LHX6: variants seen among roughly 807,000 people sequenced by gnomAD.
LHX6 encodes the protein LIM/homeobox protein Lhx6.
A neutral mutation model predicts 47.1 loss-of-function variants in LHX6; 15 were observed. That is an observed-to-expected ratio of 0.32 (90% CI 0.21 to 0.49). The LOEUF is 0.49. Ranked by LOEUF, LHX6 falls within the 20% of genes least tolerant of loss-of-function variation. LHX6 has a pLI of 0.99. For missense variants in LHX6, 404 were observed against 539.6 expected (o/e 0.75, Z 2.49); for synonymous variants, 242 against 233.5 (o/e 1.04, Z -0.33).
rs1830626522 is a variant in LHX6, at chr9:122,217,207, G to A, written c.543C>T (p.Tyr181=). 2 of 1,614,222 alleles carry A rather than the reference G, an allele frequency of 1.2e-6. No individual in the cohort carries two copies. Among genetic ancestry groups the A allele is most frequent in the East Asian group, 4.5e-5 (2 of 44,888 alleles). ...DWVRRARGNA[Y]HLACFACFSC... The stretch of plus-strand genomic sequence containing the variant: ...AGAAGCAGGCGAAGCAGGCCAGGTG[G>A]TAGGCGTTGCCGCGAGCTCTCCGCA... Residue 181 remains tyrosine, a synonymous_variant, in exon 5 of 10, where the codon TAC becomes TAT. Coordinates refer to ENST00000394319, the MANE Select transcript of LHX6 (RefSeq NM_014368.5). This position sits in a 1 kb window ranked among gnomAD's most constrained non-coding sequence, Gnocchi z 4.9.
intron 4 of LHX6, chr9:122,221,111 T>C: frequency 1.0e-6 from 1 of 985,432 alleles, no homozygotes; most frequent in Non-Finnish European, 1.2e-6. Context: ...GTTCAAGACC[T>C]TCTTGAAGGC....
intron 4 of LHX6, among the ~76,000 whole-genome samples, chr9:122,222,581 A>G (rs1830912318): frequency 1.3e-5 from 2 of 152,204 alleles, no homozygotes; most frequent in Admixed American, 1.3e-4. Context: ...TCTCCCAACA[A>G]TGCAAATGAG....
chr9:122,218,685 A>C (rs1039666254), intron 4 of LHX6, among the ~76,000 whole-genome samples: 1 of 152,058 alleles, frequency 6.6e-6, no homozygotes, highest in African/African-American at 2.4e-5. Flanking sequence ...ATCTGGTCCA[A>C]AACCCTTGGG....
At chr9:122,206,504 G>A (rs539799462) in intron 9 of LHX6, among the ~76,000 whole-genome samples, 1 of 152,204 alleles carries the variant, frequency 6.6e-6, no homozygotes, top group Non-Finnish European at 1.5e-5. Context: ...GAAGGAGGGA[G>A]AGACACTTTA....
chr9:122,211,377 C>T (rs760997874), intron 8 of LHX6, among the ~76,000 whole-genome samples: 2 of 152,200 alleles, frequency 1.3e-5, no homozygotes, highest in Non-Finnish European at 2.9e-5. Flanking sequence ...TGTACATCTG[C>T]ATTTTTCTGG....
At chr9:122,224,760 T>C (rs1331219188) in intron 4 of LHX6, among the ~76,000 whole-genome samples, 1 of 152,098 alleles carries the variant, frequency 6.6e-6, no homozygotes, top group African/African-American at 2.4e-5. Flanking sequence ...ACACCCACTC[T>C]TGACACCCAC....
intron 4 of LHX6, among the ~76,000 whole-genome samples, chr9:122,224,364 G>C (rs959640839): frequency 2.0e-5 from 3 of 152,146 alleles, no homozygotes; most frequent in Admixed American, 6.5e-5. Context: ...CAGGCCTAGA[G>C]CAGGGAGGTG....
chr9:122,222,106 T>C (rs768738529), intron 4 of LHX6, among the ~76,000 whole-genome samples: 9 of 152,244 alleles, frequency 5.9e-5, no homozygotes, highest in Admixed American at 3.9e-4. Flanking sequence ...ACTGGTGTCC[T>C]GTGTCACTGT....
At chr9:122,209,910 T>C (rs572108485) in intron 8 of LHX6, among the ~76,000 whole-genome samples, 193 bp from the exon 9 acceptor site, 321 of 152,024 alleles carry the variant, frequency 2.1e-3, no homozygotes, top group African/African-American at 7.4e-3. Context: ...GAGTCTCACC[T>C]TGTCGCCCAG....
At chr9:122,221,254 AGGTTAAAACGACCGCTTCTCGGAGGTCCC>A (rs1830842598) in intron 4 of LHX6, 2 of 985,130 alleles carry the variant, frequency 2.0e-6, no homozygotes, top group African/African-American at 3.5e-5. Flanking sequence ...AGCAATTAAG[AGGTTAAAACGACCGCTTCTCGGAGGTCCC>A]GGCCCCGAGG....
chr9:122,226,919 A>T lies in LHX6; in HGVS notation c.268T>A (p.Ser90Thr). 1 of 1,561,828 alleles carries T rather than the reference A, an allele frequency of 6.4e-7. No homozygotes were observed. Among genetic ancestry groups the T allele is most frequent in the Non-Finnish European group, 8.7e-7 (1 of 1,152,986 alleles). Residue 90 changes from serine (S) to threonine (T), a missense_variant, in exon 3 of 10, where the codon TCC (serine) becomes ACC (threonine). By Grantham distance (58) the Ser-to-Thr change is moderately conservative (BLOSUM62 1). This residue lies in a region of LHX6 where 144 missense variants were observed against 128.7 expected (regional missense o/e 1.12). Coordinates refer to ENST00000394319, the MANE Select transcript of LHX6 (RefSeq NM_014368.5). The surrounding 1 kb of genome is among the most constrained non-coding windows in gnomAD (Gnocchi z 6.5). ...SVCSPPSAAS[S>T]VPSAGKNICS... ...ATGTTCTTGCCTGCAGACGGCACGG[A>T]GGAGGCGGCAGAGGGCGGTGAGCAG...
At chr9:122,227,219 G>A (rs374474170) in intron 2 of LHX6, 189 bp from the exon 3 acceptor site, 1 of 765,660 alleles carries the variant, frequency 1.3e-6, no homozygotes, top group Non-Finnish European at 2.0e-6. Context: ...CTTTTAACAC[G>A]CGCATTCTGG....
chr9:122,220,361 G>A (rs1325638296), intron 4 of LHX6, among the ~76,000 whole-genome samples: 2 of 152,200 alleles, frequency 1.3e-5, no homozygotes, highest in East Asian at 1.9e-4. Context: ...GGGGTTAGGG[G>A]GGATTATGTA....
chr9:122,228,358 C>T (rs776415238), intron 1 of LHX6: 3 of 1,530,918 alleles, frequency 2.0e-6, no homozygotes, highest in African/African-American at 2.8e-5. Flanking sequence ...CCCGGCGCAT[C>T]GGCGCTATCA....
chr9:122,206,605 A>G (rs1192003128), intron 9 of LHX6, among the ~76,000 whole-genome samples: 3 of 152,326 alleles, frequency 2.0e-5, no homozygotes, highest in Non-Finnish European at 2.9e-5. Flanking sequence ...GAAACTGTCT[A>G]TAGCCAAATC....
At chr9:122,228,237 C>T in intron 1 of LHX6, 1 of 1,532,280 alleles carries the variant, frequency 6.5e-7, no homozygotes, top group Non-Finnish European at 8.7e-7. Context: ...CGAAACGGGA[C>T]CAAAAAGAGA....
chr9:122,221,728 G>C, intron 4 of LHX6: 1 of 985,498 alleles, frequency 1.0e-6, no homozygotes, highest in Non-Finnish European at 1.2e-6. Flanking sequence ...GATCACCCAG[G>C]GAGCCACACA....
intron 5 of LHX6, among the ~76,000 whole-genome samples, chr9:122,215,049 A>G (rs1404753469): frequency 3.3e-5 from 5 of 152,258 alleles, no homozygotes; most frequent in Non-Finnish European, 7.3e-5. Flanking sequence ...CAGTCATACT[A>G]AAACACTAAC....
intron 4 of LHX6, among the ~76,000 whole-genome samples, chr9:122,224,744 A>T (rs1186353554): frequency 6.6e-6 from 1 of 152,120 alleles, no homozygotes; most frequent in African/African-American, 2.4e-5. Flanking sequence ...CAACATTCAC[A>T]TACAGACACC....
Sources: allele counts gnomAD v4.1 joint callset (sites outside exome capture counted in the v4.1 genomes callset), GRCh38; gene constraint gnomAD v4.1.1; regional missense constraint gnomAD v4.1.1; non-coding constraint Gnocchi (gnomAD v3.1); transcripts MANE v1.5; gene names NCBI Gene and HGNC (gene_info 2026-07-23, HGNC 2026-07-21).